The following MACROD2 variants were observed in gnomAD, a reference collection of about 807,000 sequenced individuals.
The protein encoded by MACROD2 is mono-ADP ribosylhydrolase 2.
A neutral mutation model predicts 70.4 loss-of-function variants in MACROD2; 36 were observed. The observed-to-expected ratio is 0.51, with a 90% confidence interval of 0.39 to 0.68. MACROD2 has a LOEUF of 0.68. MACROD2 is among the 30% of genes least tolerant of loss of function. The pLI is 0.00. For synonymous variants in MACROD2, 172 were observed against 178.8 expected (o/e 0.96, Z 0.30); for missense variants, 496 against 538.4 (o/e 0.92, Z 0.78).
chr20:15,735,409 G>A (rs2051005086), intron 8 of MACROD2, among the ~76,000 whole-genome samples: 1 of 152,158 alleles, frequency 6.6e-6, no homozygotes, highest in African/African-American at 2.4e-5. Context: ...AATCCCTTTA[G>A]TTTAACACAA....
chr20:14,711,788 T>TC (rs2071342022), intron 5 of MACROD2, among the ~76,000 whole-genome samples: 1 of 152,156 alleles, frequency 6.6e-6, no homozygotes, highest in Admixed American at 6.5e-5. Flanking sequence ...TCCCAAGCAT[T>TC]CCCCAGAGAG....
intron 5 of MACROD2, among the ~76,000 whole-genome samples, chr20:15,189,842 A>AT (rs963413630): frequency 1.1e-3 from 173 of 151,060 alleles, no homozygotes; most frequent in African/African-American, 3.7e-3. Flanking sequence ...CACCGAGATG[A>AT]TTTTTTTTTT....
Position 15,469,729 on chromosome 20 carries a change from G to A in MACROD2, c.572-30045G>A, listed in dbSNP as rs74352042. Among the ~76,000 whole-genome samples the A allele has an allele frequency of 2.7e-3, 405 of 152,250 alleles. 1 individual carries two copies. The highest frequency in any genetic ancestry group is 9.1e-3 in the African/African-American group (379 of 41,544). ...ACAGGATACATTCAAGATGGAGAACGCATCAGAAGGGATTAAGGGGGTTTA... is the reference window on the plus strand; with the variant it reads ...ACAGGATACATTCAAGATGGAGAACACATCAGAAGGGATTAAGGGGGTTTA... On this transcript the variant is annotated intron_variant, in intron 7 of 17. Transcript: ENST00000684519.
chr20:14,480,235 A>T (rs943188808), intron 3 of MACROD2, among the ~76,000 whole-genome samples: 6 of 152,230 alleles, frequency 3.9e-5, no homozygotes, highest in Admixed American at 6.5e-5. Flanking sequence ...TCGTTCCAGA[A>T]CAGCCACAAA....
intron 8 of MACROD2, among the ~76,000 whole-genome samples, chr20:15,718,132 A>G (rs981335191): frequency 4.0e-5 from 6 of 150,194 alleles, no homozygotes; most frequent in Non-Finnish European, 8.9e-5. Flanking sequence ...CAGCCTCCCG[A>G]GCAGCTGGGA....
chr20:14,889,987 GAAGTGATA>G (rs1158095964), intron 5 of MACROD2, among the ~76,000 whole-genome samples: 2 of 152,136 alleles, frequency 1.3e-5, no homozygotes, highest in Non-Finnish European at 2.9e-5. Flanking sequence ...GCTTGCAGTA[GAAGTGATA>G]AAAGGAGTAC....
At chr20:14,189,329 A>C (rs1260519400) in intron 3 of MACROD2, among the ~76,000 whole-genome samples, 1 of 152,204 alleles carries the variant, frequency 6.6e-6, no homozygotes, top group Non-Finnish European at 1.5e-5. Flanking sequence ...TATTTCAACA[A>C]AGATATACAA....
intron 5 of MACROD2, among the ~76,000 whole-genome samples, chr20:14,745,715 C>T (rs1019590980): frequency 1.3e-4 from 20 of 152,152 alleles, no homozygotes; most frequent in African/African-American, 4.8e-4. Flanking sequence ...ATTGTATGTA[C>T]CAGGCGATTT....
chr20:14,324,157 A>G (rs1416235070), intron 3 of MACROD2: 4 of 152,646 alleles, frequency 2.6e-5, no homozygotes, highest in Admixed American at 1.3e-4. Flanking sequence ...TTATTCAGCA[A>G]TAAGACCATA....
At chr20:15,764,856 C>T (rs925563611) in intron 8 of MACROD2, among the ~76,000 whole-genome samples, 2 of 152,150 alleles carry the variant, frequency 1.3e-5, no homozygotes, top group Admixed American at 6.5e-5. Flanking sequence ...TCTCAGCCTA[C>T]GATGACCTTT....
At chr20:15,831,522 G>T (rs2064055760) in intron 8 of MACROD2, among the ~76,000 whole-genome samples, 1 of 152,166 alleles carries the variant, frequency 6.6e-6, no homozygotes, top group Non-Finnish European at 1.5e-5. Flanking sequence ...AGGGTGACCT[G>T]CACCAGCTCT....
At chr20:14,368,607 T>TATC (rs1456722852) in intron 3 of MACROD2, among the ~76,000 whole-genome samples, 1 of 151,848 alleles carries the variant, frequency 6.6e-6, no homozygotes, top group Non-Finnish European at 1.5e-5. Context: ...AATCTAGAAA[T>TATC]AAGATTTTTC....
intron 5 of MACROD2, among the ~76,000 whole-genome samples, chr20:15,010,758 CTGT>C (rs1320721663): frequency 6.6e-6 from 1 of 152,104 alleles, no homozygotes; most frequent in Non-Finnish European, 1.5e-5. Flanking sequence ...AATTAACTTA[CTGT>C]TGTTTGTTTT....
rs192756586 is a variant in MACROD2, at chr20:14,975,809, G to A, written c.419-254131G>A. ...GTGGCCAAGTTGTATTTGAACCTGA[G>A]CTGAAGCGGAGTGAGAACATTCCAG... On this transcript the variant is annotated intron_variant, in intron 5 of 17. Coordinates refer to ENST00000684519, the MANE Select transcript of MACROD2 (RefSeq NM_001351661.2). Among the ~76,000 whole-genome samples, 59 of 152,290 alleles carry A rather than the reference G, an allele frequency of 3.9e-4. 1 individual carries two copies. The East Asian group carries it at 4.1e-3, about 10-fold the overall frequency.
intron 2 of MACROD2, chr20:14,053,052 A>G (rs2148650194): frequency 6.6e-6 from 1 of 150,700 alleles, no homozygotes; most frequent in East Asian, 2.0e-4. Context: ...CTCTTAAGAG[A>G]GAATTTTGTA....
intron 6 of MACROD2, among the ~76,000 whole-genome samples, chr20:15,265,723 G>T (rs2146054652): frequency 6.6e-6 from 1 of 151,880 alleles, no homozygotes; most frequent in South Asian, 2.1e-4. Flanking sequence ...TTACTGAAAA[G>T]AAAATAAAAG....
At chr20:15,880,242 C>G (rs571381959) in intron 9 of MACROD2, among the ~76,000 whole-genome samples, 8 of 152,060 alleles carry the variant, frequency 5.3e-5, no homozygotes, top group Non-Finnish European at 1.2e-4. Flanking sequence ...CAGAACAGAT[C>G]GGGTTAGTTG....
chr20:14,763,285 G>A (rs970418393), intron 5 of MACROD2, among the ~76,000 whole-genome samples: 1 of 152,046 alleles, frequency 6.6e-6, no homozygotes, highest in East Asian at 1.9e-4. Context: ...AAAACTTGTC[G>A]CTCATTTGGT....
chr20:14,857,984 C>A (rs1401471540), intron 5 of MACROD2, among the ~76,000 whole-genome samples: 1 of 151,982 alleles, frequency 6.6e-6, no homozygotes, highest in Non-Finnish European at 1.5e-5. Context: ...CCACGCATGG[C>A]TAATTTTTGT....
Sources: gnomAD v4.1 joint callset for allele counts (sites outside exome capture counted in the v4.1 genomes callset) on GRCh38, gnomAD v4.1.1 for gene constraint, MANE v1.5 for transcripts, NCBI Gene and HGNC (gene_info 2026-07-23, HGNC 2026-07-21) for gene names.